MEGF10: variants seen among roughly 807,000 people sequenced by gnomAD.
The protein encoded by MEGF10 is multiple EGF like domains 10.
In MEGF10, 86 loss-of-function variants were observed where a neutral mutation model predicts 147.5. The observed-to-expected ratio is 0.58, with a 90% CI of 0.49 to 0.70. The LOEUF is 0.70. Among genes scored for constraint, MEGF10 ranks in the 30% least tolerant of loss-of-function variants. The pLI, the probability that MEGF10 is intolerant of heterozygous loss-of-function variation, is 0.00. For missense variants in MEGF10, 1,329 were observed against 1,487.3 expected (o/e 0.89, Z 1.75); for synonymous variants, 478 against 525.5 (o/e 0.91, Z 1.24).
chr5:127,316,245 A>G (rs1760543032), intron 1 of MEGF10, among the ~76,000 whole-genome samples: 2 of 152,140 alleles, frequency 1.3e-5, no homozygotes, highest in African/African-American at 4.8e-5. Context: ...ATGTTTGCTC[A>G]TAGTCACCTC....
the MEGF10 span, among the ~76,000 whole-genome samples, chr5:127,258,040 A>T: frequency 1.7e-4 from 26 of 152,304 alleles, no homozygotes; most frequent in East Asian, 4.0e-3. Context: ...ATGGGTTTAA[A>T]TTGTTTAAAT....
At chr5:127,361,933 T>C (rs1762482717) in intron 4 of MEGF10, among the ~76,000 whole-genome samples, 1 of 152,196 alleles carries the variant, frequency 6.6e-6, no homozygotes, top group Non-Finnish European at 1.5e-5. Flanking sequence ...AGATTTGTTT[T>C]ATTTCATAGA....
chr5:127,340,442 G>A, intron 3 of MEGF10, 88 bp from the exon 4 acceptor site: 1 of 942,572 alleles, frequency 1.1e-6, no homozygotes. Flanking sequence ...GTCTAGACAT[G>A]TATTCCATAT....
chr5:127,442,216 A>AGG (rs759009962), intron 18 of MEGF10, among the ~76,000 whole-genome samples: 12 of 152,290 alleles, frequency 7.9e-5, no homozygotes, highest in Non-Finnish European at 1.6e-4. Flanking sequence ...CTATTTTTGG[A>AGG]GACTTCTCCC....
At chr5:127,397,806 AAAG>A (rs1180805403) in intron 6 of MEGF10, among the ~76,000 whole-genome samples, 4 of 152,226 alleles carry the variant, frequency 2.6e-5, no homozygotes, top group Admixed American at 6.5e-5. Flanking sequence ...ACAAAGGCTT[AAAG>A]AAGAAGGGCC....
rs141315160 is a variant in MEGF10 at position 127,410,738 on chromosome 5, C to T, written c.1130+137C>T. On this transcript the variant is annotated intron_variant, in intron 9 of 24. Transcript: ENST00000503335. Reference sequence around the variant, plus strand: ...CCTCTAGGCTACTCTGGGCAGGAATCGCCGAGTAAAAGGAAGACATTTTAA... The same window carrying T: ...CCTCTAGGCTACTCTGGGCAGGAATTGCCGAGTAAAAGGAAGACATTTTAA... 1.7e-3 allele frequency: 1,303 copies of T among 746,026 alleles called. 20 individuals are homozygous for T. In the East Asian group the frequency reaches 0.021, roughly 12 times the overall value. 46.2% of individuals were successfully genotyped at this position (746,026 alleles called of 1,614,324 possible). A position where few individuals can be genotyped will look rare whatever the true frequency, so the allele number is the denominator to read the frequency against.
chr5:127,246,029 T>C, the MEGF10 span, among the ~76,000 whole-genome samples: 1 of 152,192 alleles, frequency 6.6e-6, no homozygotes, highest in Non-Finnish European at 1.5e-5. Flanking sequence ...AGTTTAATCA[T>C]TGTGGAAGAC....
intron 5 of MEGF10, among the ~76,000 whole-genome samples, chr5:127,386,875 G>C (rs1580797832): frequency 6.6e-6 from 1 of 152,332 alleles, no homozygotes; most frequent in East Asian, 1.9e-4. Flanking sequence ...TACTAGATCT[G>C]TGCAGTGTCA....
intron 4 of MEGF10, among the ~76,000 whole-genome samples, chr5:127,345,375 T>G (rs1449439913): frequency 6.6e-6 from 1 of 152,106 alleles, no homozygotes; most frequent in African/African-American, 2.4e-5. Flanking sequence ...GAACTCCTGG[T>G]CCACAGAGCA....
intron 19 of MEGF10, 105 bp from the exon 20 acceptor site, chr5:127,445,352 C>T (rs1358800558): frequency 3.7e-6 from 3 of 800,776 alleles, no homozygotes; most frequent in East Asian, 2.4e-5. Context: ...GTTTTATGAA[C>T]TGAAAATATG....
intron 24 of MEGF10, 106 bp from the exon 25 acceptor site, chr5:127,457,019 ATAT>A: frequency 9.0e-7 from 1 of 1,106,574 alleles, no homozygotes; most frequent in Non-Finnish European, 1.3e-6. Flanking sequence ...GCATTTCCTT[ATAT>A]TTTTTTAAAA....
At chr5:127,367,098 G>C (rs141928408) in intron 4 of MEGF10, among the ~76,000 whole-genome samples, 1 of 152,112 alleles carries the variant, frequency 6.6e-6, no homozygotes. Context: ...TGTCATCCTG[G>C]AGTTAAGAGT....
At chr5:127,309,834 GGTAATTCCAT>G (rs1760184112) in intron 1 of MEGF10, among the ~76,000 whole-genome samples, 1 of 151,816 alleles carries the variant, frequency 6.6e-6, no homozygotes, top group African/African-American at 2.4e-5. Flanking sequence ...TGCAACATAT[GGTAATTCCAT>G]GTTTTTTGAG....
chr5:127,279,758 GAA>G, the MEGF10 span, among the ~76,000 whole-genome samples: 3 of 152,122 alleles, frequency 2.0e-5, no homozygotes, highest in Non-Finnish European at 4.4e-5. Flanking sequence ...CCCCACTATA[GAA>G]AGAGACTCCA....
At chr5:127,386,082 T>G (rs1454427228) in intron 5 of MEGF10, among the ~76,000 whole-genome samples, 1 of 152,204 alleles carries the variant, frequency 6.6e-6, no homozygotes, top group Non-Finnish European at 1.5e-5. Context: ...CACTCCAGTC[T>G]AGGTAGCACA....
At chr5:127,247,125 CTA>C in the MEGF10 span, among the ~76,000 whole-genome samples, 3 of 138,248 alleles carry the variant, frequency 2.2e-5, no homozygotes, top group Non-Finnish European at 3.1e-5. Context: ...AAAGAAGGGT[CTA>C]TATATGTTTC....
chr5:127,384,929 C>G (rs1752222504), intron 5 of MEGF10, among the ~76,000 whole-genome samples: 2 of 152,130 alleles, frequency 1.3e-5, no homozygotes, highest in South Asian at 4.1e-4. Flanking sequence ...CACACCACAG[C>G]CTTGTTAGCC....
At chr5:127,373,853 G>A (rs1037307289) in intron 5 of MEGF10, among the ~76,000 whole-genome samples, 1 of 152,190 alleles carries the variant, frequency 6.6e-6, no homozygotes, top group Non-Finnish European at 1.5e-5. Flanking sequence ...CTAAGGGTGC[G>A]ATCCAGACCT....
intron 5 of MEGF10, among the ~76,000 whole-genome samples, chr5:127,377,929 A>T (rs1763097283): frequency 6.6e-6 from 1 of 152,192 alleles, no homozygotes; most frequent in South Asian, 2.1e-4. Context: ...CAGGCTGATG[A>T]TGATAACTGG....
Sources: allele counts gnomAD v4.1 joint callset (sites outside exome capture counted in the v4.1 genomes callset), GRCh38; gene constraint gnomAD v4.1.1; transcripts MANE v1.5; gene names NCBI Gene and HGNC (gene_info 2026-07-23, HGNC 2026-07-21).